CAPS2: variants seen among roughly 807,000 people sequenced by gnomAD.
CAPS2 encodes the protein calcyphosin-2.
Under a neutral mutation model 86.5 loss-of-function variants are expected in CAPS2, and 98 were observed. The observed-to-expected ratio is 1.13, with a 90% CI of 0.96 to 1.34. The LOEUF is 1.34. Among genes scored for constraint, CAPS2 ranks in the 40% most tolerant of loss-of-function variants. CAPS2 has a pLI of 0.00. For synonymous variants in CAPS2, 210 were observed against 225.1 expected, an observed-to-expected ratio of 0.93 and a Z score of 0.60; for missense variants, 729 against 686.8, an observed-to-expected ratio of 1.06 and a Z score of -0.69.
In CAPS2 at chr12:75,291,839, C is replaced by G; in HGVS notation, c.1164-19G>C. 7.5e-7 allele frequency: 1 copy of G among 1,326,336 alleles called. No homozygotes were observed. Among genetic ancestry groups the G allele is most frequent in the Non-Finnish European group, 1.1e-6 (1 of 942,500 alleles). 82.2% of individuals were successfully genotyped at this position (1,326,336 alleles called of 1,614,324 possible). On this transcript the variant is annotated intron_variant, in intron 12 of 16. Coordinates refer to ENST00000393284, the Ensembl canonical transcript of CAPS2. The stretch of plus-strand genomic sequence containing the variant: ...AGCAGTTCTGCAATTGACATGTTCA[C>G]AGGGATGAAATATATATATATTCTA...
exon 17 of CAPS2, chr12:75,277,914 A>G (rs1053120444): frequency 2.4e-6 from 2 of 820,392 alleles, no homozygotes; most frequent in Non-Finnish European, 2.9e-6. Flanking sequence ...ATTAAATAAC[A>G]TATATTTAGA....
chr12:75,342,079 C>T lies in CAPS2; in HGVS notation c.-394-18857G>A, dbSNP rs572671170. On this transcript the variant is annotated intron_variant, in intron 1 of 5. Coordinates refer to the CAPS2 transcript ENST00000551829. ...CAACATTCTTGAAATAACAAAATTA[C>T]AGAACTGAAGAACAGATTGGTGATC... Among the ~76,000 whole-genome samples the T allele has an allele frequency of 1.5e-3, 228 of 152,188 alleles. 2 individuals carry two copies. Among genetic ancestry groups the T allele is most frequent in the Middle Eastern group, 3.4e-3 (1 of 294 alleles).
chr12:75,375,558 G>A (rs1190502171), intron 1 of CAPS2, among the ~76,000 whole-genome samples: 4 of 152,166 alleles, frequency 2.6e-5, no homozygotes, highest in Admixed American at 6.5e-5. Flanking sequence ...GGAGTTCTGC[G>A]TCTGAAAGTG....
chr12:75,298,642 T>C, intron 11 of CAPS2, 45 bp downstream of exon 11: 2 of 1,490,934 alleles, frequency 1.3e-6, no homozygotes, highest in Non-Finnish European at 1.9e-6. Context: ...CTCCACAAAA[T>C]CCACCATCTG....
chr12:75,341,411 T>C (rs1325285255), intron 1 of CAPS2, among the ~76,000 whole-genome samples: 1 of 152,184 alleles, frequency 6.6e-6, no homozygotes, highest in Non-Finnish European at 1.5e-5. Context: ...AATGGATACA[T>C]AGAGTAGGAT....
chr12:75,334,747 T>C (rs942464220), upstream of CAPS2: 5 of 1,613,592 alleles, frequency 3.1e-6, no homozygotes, highest in Non-Finnish European at 3.4e-6. Context: ...GAAGAATAAA[T>C]TCAGTTGTTT....
intron 2 of CAPS2, among the ~76,000 whole-genome samples, chr12:75,324,846 T>C (rs1014543518): frequency 6.6e-6 from 1 of 152,162 alleles, no homozygotes; most frequent in Admixed American, 6.5e-5. Flanking sequence ...TTCATAAAAT[T>C]GTCATACTCC....
intron 7 of CAPS2, chr12:75,306,240 A>C (rs1202433021): frequency 3.1e-6 from 2 of 650,780 alleles, no homozygotes; most frequent in Admixed American, 2.5e-5. Flanking sequence ...ACGAACATGC[A>C]AATCATGGAG....
In CAPS2 at chr12:75,362,853, C is replaced by T. The variant is rs190475689; in HGVS notation, c.-395+27985G>A. On this transcript the variant is annotated intron_variant, in intron 1 of 5. Coordinates refer to the CAPS2 transcript ENST00000551829. The stretch of plus-strand genomic sequence containing the variant: ...TTTGCAACTATCACATGCATAATTA[C>T]ACTGGGTTCACATCTCATTATTCTT... Among the ~76,000 whole-genome samples, 4 of 152,292 alleles carry T rather than the reference C, an allele frequency of 2.6e-5. No individual in the cohort carries two copies. In the East Asian group the frequency reaches 5.8e-4, roughly 22 times the overall value.
chr12:75,341,785 T>C (rs1029991850), intron 1 of CAPS2, among the ~76,000 whole-genome samples: 7 of 137,806 alleles, frequency 5.1e-5, no homozygotes. Context: ...ATGGAGTCTC[T>C]GTCACCCAGA....
chr12:75,309,361 T>G (rs2038894463), intron 7 of CAPS2, among the ~76,000 whole-genome samples: 1 of 152,258 alleles, frequency 6.6e-6, no homozygotes. Context: ...TCCAGTTCTT[T>G]GTTCAGGACA....
intron 1 of CAPS2, chr12:75,366,733 T>G: frequency 3.3e-6 from 2 of 610,004 alleles, no homozygotes; most frequent in South Asian, 3.8e-5. Flanking sequence ...TGGGTGAGAC[T>G]GCAGTGTTTT....
intron 1 of CAPS2, among the ~76,000 whole-genome samples, chr12:75,350,539 T>C (rs2042736868): frequency 6.6e-6 from 1 of 152,088 alleles, no homozygotes; most frequent in Non-Finnish European, 1.5e-5. Flanking sequence ...TGGTGATACT[T>C]CCAGGTGTCA....
intron 1 of CAPS2, chr12:75,373,622 A>T (rs2044491351): frequency 6.6e-6 from 1 of 152,338 alleles, no homozygotes; most frequent in Non-Finnish European, 1.5e-5. Context: ...AGGGATACCA[A>T]GAAAGGGGCT....
At chr12:75,363,337 G>A in intron 1 of CAPS2, 1 of 396,300 alleles carries the variant, frequency 2.5e-6, no homozygotes, top group East Asian at 4.0e-5. Context: ...GTCATAAATT[G>A]TAATACTTAA....
At chr12:75,315,955 G>A (rs911275172) in intron 6 of CAPS2, among the ~76,000 whole-genome samples, 1 of 151,916 alleles carries the variant, frequency 6.6e-6, no homozygotes, top group African/African-American at 2.4e-5. Context: ...TTCCTTAACT[G>A]GCCTGAATTT....
At chr12:75,367,544 C>A (rs2044062474) in intron 1 of CAPS2, among the ~76,000 whole-genome samples, 1 of 151,710 alleles carries the variant, frequency 6.6e-6, no homozygotes, top group Non-Finnish European at 1.5e-5. Context: ...TCTTGCACAT[C>A]AAATTATATT....
At chr12:75,383,181 A>T (rs1040930132) in intron 1 of CAPS2, among the ~76,000 whole-genome samples, 2 of 152,180 alleles carry the variant, frequency 1.3e-5, no homozygotes, top group Admixed American at 6.5e-5. Flanking sequence ...ATGCATTAAA[A>T]TTTTTTTATA....
chr12:75,283,881 G>C (rs1177532730), intron 15 of CAPS2, among the ~76,000 whole-genome samples: 1 of 152,116 alleles, frequency 6.6e-6, no homozygotes, highest in African/African-American at 2.4e-5. Context: ...TGAGGACACA[G>C]AGAACAGGCA....
Sources: gnomAD v4.1 joint callset for allele counts (sites outside exome capture counted in the v4.1 genomes callset) on GRCh38, gnomAD v4.1.1 for gene constraint, MANE v1.5 for transcripts, NCBI Gene and HGNC (gene_info 2026-07-23, HGNC 2026-07-21) for gene names.